VAV2: variants seen among roughly 807,000 people sequenced by gnomAD.
VAV2 encodes the protein vav guanine nucleotide exchange factor 2.
VAV2 carries 67 observed loss-of-function variants against 132.5 expected under a neutral mutation model. That is an observed-to-expected ratio of 0.51 (90% confidence interval 0.42 to 0.62). The LOEUF is 0.62. Ranked by LOEUF, VAV2 falls within the 20% of genes least tolerant of loss-of-function variation. VAV2 has a pLI of 0.00. For synonymous variants in VAV2, 492 were observed against 443.5 expected, an observed-to-expected ratio of 1.11 and a Z score of -1.37; for missense variants, 938 against 1,153.6, an observed-to-expected ratio of 0.81 and a Z score of 2.71.
chr9:133,887,114 G>A (rs930455393), intron 2 of VAV2, among the ~76,000 whole-genome samples: 11 of 151,922 alleles, frequency 7.2e-5, no homozygotes, highest in African/African-American at 1.7e-4. Flanking sequence ...CAGGCCCCAC[G>A]CAGAAATCGC....
chr9:133,784,340 G>T lies in VAV2; in HGVS notation c.1611C>A (p.Cys537Ter). Residue 537 changes from cysteine (C) to a stop codon, truncating the protein, a stop_gained, in exon 18 of 30, where the codon TGC becomes TGA. Transcript: ENST00000371850. LOFTEE classifies it high-confidence loss of function. ...QMYTFDKTTN[C>*]KACKMFLRGT... ...ACCTGAGGAACATTTTGCAGGCTTT[G>T]CAGTTGGTGGTCTTGTCAAACGTGT... is the stretch of plus-strand genomic sequence containing the variant. 1.2e-6 allele frequency: 2 copies of T among 1,614,210 alleles called. No homozygotes were observed. The highest frequency in any genetic ancestry group is 1.7e-6 in the Non-Finnish European group (2 of 1,180,028).
chr9:133,858,398 A>AG (rs1837466467), intron 3 of VAV2, among the ~76,000 whole-genome samples: 1 of 152,050 alleles, frequency 6.6e-6, no homozygotes, highest in Non-Finnish European at 1.5e-5. Context: ...GTCACACACC[A>AG]TTGCTGGGAG....
At chr9:133,986,245 G>A (rs1372744802) in intron 1 of VAV2, among the ~76,000 whole-genome samples, 2 of 152,234 alleles carry the variant, frequency 1.3e-5, no homozygotes, top group African/African-American at 4.8e-5. Flanking sequence ...GAAGGATGCA[G>A]CGTGGAGGCG....
At chr9:133,858,310 C>A (rs1837462054) in intron 3 of VAV2, among the ~76,000 whole-genome samples, 1 of 152,170 alleles carries the variant, frequency 6.6e-6, no homozygotes, top group Non-Finnish European at 1.5e-5. Context: ...CATGCCCAAC[C>A]CCACCGGCCA....
chr9:133,806,205 T>G (rs1351047558), intron 8 of VAV2, 24 bp from the exon 9 acceptor site: 47 of 1,603,288 alleles, frequency 2.9e-5, no homozygotes, highest in Non-Finnish European at 4.0e-5. Flanking sequence ...CAGCCGTGAG[T>G]GCCTGGCCAG....
intron 2 of VAV2, among the ~76,000 whole-genome samples, chr9:133,881,813 G>A (rs1036133006): frequency 2.0e-4 from 30 of 152,218 alleles, no homozygotes; most frequent in African/African-American, 5.5e-4. Flanking sequence ...TCCAGGCAGC[G>A]TGTGGGGGCG....
At chr9:133,913,453 G>A (rs1410037366) in intron 2 of VAV2, among the ~76,000 whole-genome samples, 1 of 152,140 alleles carries the variant, frequency 6.6e-6, no homozygotes, top group South Asian at 2.1e-4. Flanking sequence ...GCCCCACTCC[G>A]GAGGCTTCTA....
chr9:133,928,477 A>G lies in VAV2; in HGVS notation c.321+10626T>C, dbSNP rs377551932. ...TGGAGTGGATGCTGCTACAAAGACT[A>G]GCACGTCTCACTGCCAGCATTAAGG... On this transcript the variant is annotated intron_variant, in intron 2 of 29. Coordinates refer to ENST00000371850, the MANE Select transcript of VAV2 (RefSeq NM_001134398.2). This position sits in a 1 kb window ranked among gnomAD's most constrained non-coding sequence, Gnocchi z 5.4. Among the ~76,000 whole-genome samples the G allele has an allele frequency of 7.7e-4, 117 of 152,328 alleles. No homozygotes were observed. Among genetic ancestry groups the G allele is most frequent in the African/African-American group, 2.5e-3 (106 of 41,574 alleles).
chr9:133,986,072 T>A (rs1378297921), intron 1 of VAV2, among the ~76,000 whole-genome samples: 13 of 151,928 alleles, frequency 8.6e-5, no homozygotes, highest in Non-Finnish European at 1.5e-5. Flanking sequence ...ATCAAGATAT[T>A]TATATTGACT....
At position 133,769,016 on chromosome 9, in the gene VAV2, C is replaced by T. The variant is rs1037487617; in HGVS notation, c.2434+401G>A. On this transcript the variant is annotated intron_variant, in intron 28 of 29. Coordinates refer to ENST00000371850, the MANE Select transcript of VAV2 (RefSeq NM_001134398.2). The surrounding 1 kb of genome is among the most constrained non-coding windows in gnomAD (Gnocchi z 8.1). Reference sequence around the variant, plus strand: ...GGGAAGGGACTTTGACTCTGGCAGCCGAAAGCCATGAGGTCAAGGCTGACT... The same window carrying T: ...GGGAAGGGACTTTGACTCTGGCAGCTGAAAGCCATGAGGTCAAGGCTGACT... Among the ~76,000 whole-genome samples the T allele has an allele frequency of 2.4e-4, 37 of 152,154 alleles. No homozygotes were observed. Among genetic ancestry groups the T allele is most frequent in the Admixed American group, 2.0e-3 (31 of 15,286 alleles).
chr9:133,826,141 G>A lies in VAV2; in HGVS notation c.449+8131C>T, dbSNP rs2131746584. 6.6e-6 allele frequency among the ~76,000 whole-genome samples: 1 copy of A among 152,328 alleles called. No homozygotes were observed. Among genetic ancestry groups the A allele is most frequent in the South Asian group, 2.1e-4 (1 of 4,826 alleles). Reference sequence around the variant, plus strand: ...AAATTGTGGATTCCTCAAGCTCAGTGGGATTCACAGACCATCTGGGCAGAT... The same window carrying A: ...AAATTGTGGATTCCTCAAGCTCAGTAGGATTCACAGACCATCTGGGCAGAT... On this transcript the variant is annotated intron_variant, in intron 4 of 29. Transcript: ENST00000371850. The surrounding 1 kb of genome is among the most constrained non-coding windows in gnomAD (Gnocchi z 4.2).
intron 2 of VAV2, among the ~76,000 whole-genome samples, chr9:133,862,695 C>T (rs1024442761): frequency 6.6e-6 from 1 of 152,180 alleles, no homozygotes; most frequent in East Asian, 1.9e-4. Flanking sequence ...GCCCAGAGGG[C>T]GCTCTGTGTG....
At chr9:133,933,886 A>ATGGATGGATGGATGGATGGG (rs1554812087) in intron 2 of VAV2, among the ~76,000 whole-genome samples, 1,237 of 116,362 alleles carry the variant, frequency 0.011, 59 homozygotes, top group Admixed American at 0.081. Context: ...TGGATGAATG[A>ATGGATGGATGGATGGATGGG]TGGATGGATG....
chr9:133,989,620 G>C (rs1366822007), intron 1 of VAV2, among the ~76,000 whole-genome samples: 4 of 151,274 alleles, frequency 2.6e-5, no homozygotes, highest in Non-Finnish European at 5.9e-5. Context: ...AGGAGGTGGA[G>C]GTTGCAGTGA....
intron 1 of VAV2, among the ~76,000 whole-genome samples, chr9:133,979,574 A>G (rs1478328117): frequency 2.0e-5 from 3 of 152,178 alleles, no homozygotes; most frequent in Non-Finnish European, 4.4e-5. Flanking sequence ...GACTTCCTGC[A>G]GCAGAGACAC....
chr9:133,972,430 T>C (rs1842367213), intron 1 of VAV2, among the ~76,000 whole-genome samples: 2 of 152,186 alleles, frequency 1.3e-5, no homozygotes, highest in Non-Finnish European at 2.9e-5. Flanking sequence ...CATTAGCTAA[T>C]GCAGAAAAAT....
intron 2 of VAV2, among the ~76,000 whole-genome samples, chr9:133,902,139 G>C (rs897282656): frequency 2.0e-5 from 3 of 151,604 alleles, no homozygotes; most frequent in Admixed American, 6.6e-5. Flanking sequence ...CCAATTTAAG[G>C]CCAGGCCCAT....
At chr9:133,966,893 GGC>G (rs1842158000) in intron 1 of VAV2, among the ~76,000 whole-genome samples, 1 of 151,804 alleles carries the variant, frequency 6.6e-6, no homozygotes, top group Non-Finnish European at 1.5e-5. Flanking sequence ...AAATCAGTTG[GGC>G]TTGGTGGCGG....
chr9:133,927,275 T>C (rs763507371), intron 2 of VAV2, among the ~76,000 whole-genome samples: 15 of 152,152 alleles, frequency 9.9e-5, no homozygotes, highest in Non-Finnish European at 1.9e-4. Context: ...CGCTAATCAA[T>C]GGCTGAGCCT....
Sources: allele counts gnomAD v4.1 joint callset (sites outside exome capture counted in the v4.1 genomes callset), GRCh38; gene constraint gnomAD v4.1.1; non-coding constraint Gnocchi (gnomAD v3.1); transcripts MANE v1.5; gene names NCBI Gene and HGNC (gene_info 2026-07-23, HGNC 2026-07-21).